CCDC150: variants seen among roughly 807,000 people sequenced by gnomAD.
CCDC150 encodes the protein coiled-coil domain containing 150.
In CCDC150, 151 loss-of-function variants were observed where a neutral mutation model predicts 156.5. The observed-to-expected ratio is 0.97, with a 90% CI of 0.85 to 1.10. The LOEUF is 1.10. Ranked by LOEUF, CCDC150 falls within the 50% of genes least tolerant of loss-of-function variation. CCDC150 has a pLI of 0.00. For synonymous variants in CCDC150, 452 were observed against 429.4 expected, an observed-to-expected ratio of 1.05 and a Z score of -0.65; for missense variants, 1,312 against 1,268.1, an observed-to-expected ratio of 1.03 and a Z score of -0.53.
At chr2:196,669,764 GCTT>G (rs992159355) in intron 7 of CCDC150, 66 bp from the exon 8 acceptor site, 5 of 1,031,234 alleles carry the variant, frequency 4.8e-6, no homozygotes, top group Middle Eastern at 4.2e-4. Flanking sequence ...AATATTTAAA[GCTT>G]CTCACTATGT....
At chr2:196,693,963 C>A (rs1227710635) in intron 13 of CCDC150, among the ~76,000 whole-genome samples, 2 of 151,482 alleles carry the variant, frequency 1.3e-5, no homozygotes, top group African/African-American at 4.9e-5. Context: ...GTTCAACAAG[C>A]TTTGCATTAC....
At chr2:196,689,942 G>T (rs989836199) in intron 13 of CCDC150, among the ~76,000 whole-genome samples, 1 of 152,136 alleles carries the variant, frequency 6.6e-6, no homozygotes, top group Non-Finnish European at 1.5e-5. Context: ...TTTATTGAGA[G>T]TTTTTAGCAT....
At chr2:196,700,469 A>G (rs980958983) in intron 14 of CCDC150, among the ~76,000 whole-genome samples, 2 of 152,186 alleles carry the variant, frequency 1.3e-5, no homozygotes, top group Non-Finnish European at 2.9e-5. Context: ...TAAATTTTGT[A>G]CTTATTTTTT....
At chr2:196,681,152 A>T (rs979450730) in intron 13 of CCDC150, among the ~76,000 whole-genome samples, 2 of 152,172 alleles carry the variant, frequency 1.3e-5, no homozygotes, top group Non-Finnish European at 2.9e-5. Flanking sequence ...ACTAGTTGAC[A>T]TTCTGTCTCT....
At chr2:196,644,873 G>A (rs1024606321) in intron 1 of CCDC150, among the ~76,000 whole-genome samples, 1 of 152,062 alleles carries the variant, frequency 6.6e-6, no homozygotes, top group African/African-American at 2.4e-5. Flanking sequence ...CCAGCACTTT[G>A]GGAGACTGAG....
At chr2:196,729,506 T>C (rs750477418) in intron 23 of CCDC150, 119 bp downstream of exon 23, 11 of 961,108 alleles carry the variant, frequency 1.1e-5, no homozygotes, top group African/African-American at 4.9e-5. Flanking sequence ...CTGGGAATTA[T>C]AGCCAGTTGT....
chr2:196,700,928 T>C (rs1232156649), intron 14 of CCDC150, among the ~76,000 whole-genome samples, 181 bp from the exon 15 acceptor site: 2 of 152,244 alleles, frequency 1.3e-5, no homozygotes, highest in Non-Finnish European at 2.9e-5. Flanking sequence ...TCTCTGTACA[T>C]GTTGCATATT....
At chr2:196,681,163 A>G (rs1694795200) in intron 13 of CCDC150, among the ~76,000 whole-genome samples, 1 of 152,178 alleles carries the variant, frequency 6.6e-6, no homozygotes, top group Non-Finnish European at 1.5e-5. Context: ...TTCTGTCTCT[A>G]TGGATTTACC....
chr2:196,700,157 T>C (rs181397875), intron 14 of CCDC150, among the ~76,000 whole-genome samples: 12 of 152,274 alleles, frequency 7.9e-5, no homozygotes, highest in African/African-American at 2.2e-4. Context: ...AAACCAGAAA[T>C]AGTGAATAAT....
At chr2:196,717,925 C>T (rs745828757) in intron 17 of CCDC150, among the ~76,000 whole-genome samples, 6 of 151,914 alleles carry the variant, frequency 3.9e-5, no homozygotes, top group Non-Finnish European at 8.8e-5. Context: ...GTACATCGGA[C>T]TCTGCACTAT....
intron 9 of CCDC150, among the ~76,000 whole-genome samples, chr2:196,673,990 A>T (rs1418338387): frequency 6.6e-6 from 1 of 152,160 alleles, no homozygotes; most frequent in African/African-American, 2.4e-5. Context: ...AGAACAGAAG[A>T]TCAGTAAAAT....
At chr2:196,670,232 C>A (rs1203324293) in intron 8 of CCDC150, among the ~76,000 whole-genome samples, 3 of 152,000 alleles carry the variant, frequency 2.0e-5, no homozygotes, top group African/African-American at 7.3e-5. Context: ...TACACACTTA[C>A]AGTGATTTGA....
At chr2:196,649,242 G>C (rs1692733699) in intron 2 of CCDC150, among the ~76,000 whole-genome samples, 1 of 152,090 alleles carries the variant, frequency 6.6e-6, no homozygotes. Context: ...CATTTTAACA[G>C]TATTAATTCT....
intron 15 of CCDC150, among the ~76,000 whole-genome samples, chr2:196,709,392 T>C (rs2125684576): frequency 6.6e-6 from 1 of 152,338 alleles, no homozygotes; most frequent in South Asian, 2.1e-4. Flanking sequence ...TTTTTTCTAG[T>C]TAGCCATTCG....
chr2:196,648,116 C>T (rs1275757329), intron 2 of CCDC150, among the ~76,000 whole-genome samples: 6 of 152,106 alleles, frequency 3.9e-5, no homozygotes, highest in Admixed American at 3.3e-4. Context: ...GCATATATCC[C>T]TTTAACATAC....
chr2:196,720,738 G>C, intron 20 of CCDC150, 70 bp downstream of exon 20: 1 of 1,330,538 alleles, frequency 7.5e-7, no homozygotes, highest in Non-Finnish European at 1.0e-6. Context: ...CTGTTTTTGG[G>C]AAAATGAAGT....
chr2:196,702,251 G>GA (rs1191647055), intron 15 of CCDC150, among the ~76,000 whole-genome samples: 1 of 151,492 alleles, frequency 6.6e-6, no homozygotes, highest in African/African-American at 2.4e-5. Flanking sequence ...CCTGTCTCTA[G>GA]AAAAAAATGA....
At chr2:196,676,514 T>C (rs1424508210) in intron 11 of CCDC150, 40 bp from the exon 12 acceptor site, 2 of 1,527,210 alleles carry the variant, frequency 1.3e-6, no homozygotes, top group Non-Finnish European at 1.8e-6. Context: ...AAATTAGAAC[T>C]CTAATTTAGC....
At chr2:196,687,236 C>T (rs544729143) in intron 13 of CCDC150, among the ~76,000 whole-genome samples, 121 of 152,260 alleles carry the variant, frequency 7.9e-4, no homozygotes, top group Non-Finnish European at 1.3e-3. Flanking sequence ...CAACAGTGTG[C>T]AAGTGTTCCT....
Sources: gnomAD v4.1 joint callset for allele counts (sites outside exome capture counted in the v4.1 genomes callset) on GRCh38, gnomAD v4.1.1 for gene constraint, MANE v1.5 for transcripts, NCBI Gene and HGNC (gene_info 2026-07-23, HGNC 2026-07-21) for gene names.